The following SAMD4B variants were observed in gnomAD, a reference collection of about 807,000 sequenced individuals.
SAMD4B encodes protein Smaug homolog 2.
SAMD4B carries 5 observed loss-of-function variants against 74.5 expected under a neutral mutation model. That is an observed-to-expected ratio of 0.07 (90% CI 0.04 to 0.14). SAMD4B has a LOEUF of 0.14. SAMD4B is among the 10% of genes least tolerant of loss of function. The probability of loss-of-function intolerance (pLI) is 1.00; values close to 1 mark genes in which losing one functional copy is unlikely to be tolerated. For missense variants in SAMD4B, 608 were observed against 921.8 expected (o/e 0.66, Z 4.41); for synonymous variants, 373 against 374.9 (o/e 1.00, Z 0.06).
chr19:39,388,647 A>G (rs763186455), downstream of SAMD4B: 1 of 1,614,140 alleles, frequency 6.2e-7, no homozygotes, highest in Admixed American at 1.7e-5. Context: ...ATAGGCCACA[A>G]ACTGGTTCCC....
intron 7 of SAMD4B, among the ~76,000 whole-genome samples, chr19:39,377,015 T>G (rs2077640217): frequency 6.6e-6 from 1 of 152,204 alleles, no homozygotes; most frequent in Admixed American, 6.5e-5. Context: ...GGTTCCAGGA[T>G]CTCTGTCTTT....
intron 2 of SAMD4B, among the ~76,000 whole-genome samples, chr19:39,355,766 C>T (rs1217812987): frequency 6.6e-6 from 1 of 152,164 alleles, no homozygotes; most frequent in Non-Finnish European, 1.5e-5. Context: ...GGAATTTGGA[C>T]ACTTTGTAGC....
At chr19:39,365,640 C>A (rs1158852579) in intron 3 of SAMD4B, among the ~76,000 whole-genome samples, 2 of 152,154 alleles carry the variant, frequency 1.3e-5, no homozygotes, top group Non-Finnish European at 2.9e-5. Context: ...GGTGTGTGAC[C>A]TCACCTTCCC....
chr19:39,367,807 TGCTA>T (rs1451844584), intron 3 of SAMD4B, among the ~76,000 whole-genome samples: 2 of 146,872 alleles, frequency 1.4e-5, no homozygotes, highest in African/African-American at 5.0e-5. Flanking sequence ...CCACGCCCAG[TGCTA>T]ATAAGGTCTT....
rs1283109101 is a variant in SAMD4B, at chr19:39,369,915, C to T, written c.457C>T (p.Arg153Trp). Residue 153 changes from arginine to tryptophan, a missense_variant, in exon 4 of 14, where the codon CGG (arginine) becomes TGG (tryptophan). By Grantham distance (101) the Arg-to-Trp change is moderately radical. This residue lies in a region of SAMD4B where 153 missense variants were observed against 153.0 expected (regional missense o/e 1.00). Coordinates refer to ENST00000610417, the MANE Select transcript of SAMD4B (RefSeq NM_001384574.2). ...LALWLSHLEE[R>W]LASGFRSRPE... ...CCTCTGGCTGAGCCACCTGGAAGAG[C>T]GGTTGGCTAGTGGCTTCCGCTCCCG... The T allele has an allele frequency of 1.9e-6, 3 of 1,614,086 alleles. No individual in the cohort carries two copies. The highest frequency in any genetic ancestry group is 2.2e-5 in the East Asian group (1 of 44,898).
Position 39,369,617 on chromosome 19 carries a change from C to T in SAMD4B, c.197-38C>T, listed in dbSNP as rs1361497033. 1.9e-6 allele frequency: 3 copies of T among 1,553,816 alleles called. No homozygotes were observed. In the African/African-American group the frequency reaches 4.1e-5, roughly 21 times the overall value. ...TCTCAGGTGAATAGGAGTACCCCAC[C>T]CTGGCTCTCCTGATATTTCTTCTTA... On this transcript the variant is annotated intron_variant, in intron 3 of 13. Coordinates refer to ENST00000610417, the MANE Select transcript of SAMD4B (RefSeq NM_001384574.2).
Position 39,384,587 on chromosome 19 carries a change from A to G in SAMD4B, c.*1060A>G, listed in dbSNP as rs1389288758. ...CATGACCTCACTTAAGTGGAACACT[A>G]TATCATAACCCAGAGATTCGTCCCA... On this transcript the variant is annotated 3_prime_UTR_variant, in exon 14 of 14. Coordinates refer to ENST00000610417, the MANE Select transcript of SAMD4B (RefSeq NM_001384574.2). 6.6e-6 allele frequency: 1 copy of G among 152,584 alleles called. No individual in the cohort carries two copies. The highest frequency in any genetic ancestry group is 1.5e-5 in the Non-Finnish European group (1 of 68,042). The allele number at this position is 152,584 out of a possible 1,614,324, so 9.5% of individuals were successfully genotyped here. A position where few individuals can be genotyped will look rare whatever the true frequency, so the allele number is the denominator to read the frequency against.
intron 1 of SAMD4B, among the ~76,000 whole-genome samples, chr19:39,343,104 C>G (rs530628037): frequency 6.6e-6 from 1 of 151,996 alleles, no homozygotes; most frequent in South Asian, 2.1e-4. Flanking sequence ...GCTCTCATAG[C>G]TGCTCCAGGA....
chr19:39,389,243 A>G (rs1274753952), downstream of SAMD4B: 3 of 1,606,342 alleles, frequency 1.9e-6, no homozygotes, highest in Admixed American at 5.0e-5. The surrounding 1 kb of genome is among the most constrained non-coding windows in gnomAD (Gnocchi z 5.3). Flanking sequence ...GGACACACCT[A>G]ATATCTCCAC....
intron 4 of SAMD4B, among the ~76,000 whole-genome samples, chr19:39,371,065 CTT>C (rs755177949): frequency 2.0e-5 from 3 of 152,308 alleles, no homozygotes; most frequent in Non-Finnish European, 2.9e-5. Flanking sequence ...ATCCCAGTGA[CTT>C]TTTGAAATGC....
chr19:39,387,581 T>C (rs184701239), downstream of SAMD4B, among the ~76,000 whole-genome samples: 1 of 152,334 alleles, frequency 6.6e-6, no homozygotes, highest in African/African-American at 2.4e-5. Flanking sequence ...GTCACAGTTC[T>C]TGTAATCTCT....
In SAMD4B at chr19:39,383,794, CTCCTT is replaced by C. The variant is rs1365846585; in HGVS notation, c.*273_*277del. On this transcript the variant is annotated 3_prime_UTR_variant, in exon 14 of 14. Coordinates refer to ENST00000610417, the MANE Select transcript of SAMD4B (RefSeq NM_001384574.2). This position sits in a 1 kb window ranked among gnomAD's most constrained non-coding sequence, Gnocchi z 4.1. ...GGGACTGGCCAGACTGCCTGCCTCT[CTCCTT>C]TCCTTCCTCATCCCCACCTGGTCCC... 3.0e-6 allele frequency: 4 copies of C among 1,334,388 alleles called. No homozygotes were observed. The Admixed American group carries it at 6.3e-5, about 21-fold the overall frequency. 82.7% of individuals were successfully genotyped at this position (1,334,388 alleles called of 1,614,324 possible).
chr19:39,369,804 A>G lies in SAMD4B; in HGVS notation c.346A>G (p.Asn116Asp). The G allele has an allele frequency of 6.2e-7, 1 of 1,614,250 alleles. No individual in the cohort carries two copies. Among genetic ancestry groups the G allele is most frequent in the Non-Finnish European group, 8.5e-7 (1 of 1,180,030 alleles). Residue 116 changes from asparagine to aspartate, a missense_variant, in exon 4 of 14, where the codon AAT becomes GAT. Asn to Asp is a conservative substitution (Grantham distance 23). Coordinates refer to ENST00000610417, the MANE Select transcript of SAMD4B (RefSeq NM_001384574.2). ...QKVLAYSIESNAFIEESRQLL... is the reference protein window; with the variant it reads ...QKVLAYSIESDAFIEESRQLL... ...AGTGCTGGCCTACTCAATCGAGAGC[A>G]ATGCTTTCATCGAGGAGAGTCGCCA...
intron 1 of SAMD4B, among the ~76,000 whole-genome samples, 156 bp from the exon 2 acceptor site, chr19:39,353,850 C>T (rs551475195): frequency 2.0e-5 from 3 of 152,326 alleles, no homozygotes; most frequent in South Asian, 4.1e-4. Context: ...GATCTGCCTG[C>T]CTCAGCCTCC....
chr19:39,343,010 C>T (rs2075412832), intron 1 of SAMD4B, among the ~76,000 whole-genome samples: 1 of 151,978 alleles, frequency 6.6e-6, no homozygotes, highest in Non-Finnish European at 1.5e-5. Context: ...CGCAGACCCC[C>T]GCCCTTTGGC....
intron 1 of SAMD4B, chr19:39,350,262 T>C (rs1219253711): frequency 5.3e-5 from 8 of 152,178 alleles, no homozygotes; most frequent in South Asian, 2.1e-4. Context: ...ACAAGCTTCA[T>C]TGAGGAAGAA....
At chr19:39,386,359 C>T (rs1555726816), downstream of SAMD4B, 4 of 1,614,078 alleles carry the variant, frequency 2.5e-6, no homozygotes, top group Middle Eastern at 1.6e-4. The surrounding 1 kb of genome is among the most constrained non-coding windows in gnomAD (Gnocchi z 6.1). Context: ...TGCTCATCTT[C>T]ACTGCCCTCC....
At chr19:39,351,744 G>A (rs575316578) in intron 1 of SAMD4B, 1 of 152,120 alleles carries the variant, frequency 6.6e-6, no homozygotes, top group Admixed American at 6.5e-5. Flanking sequence ...TGAAATAGAA[G>A]AGGTGGCAAC....
downstream of SAMD4B, among the ~76,000 whole-genome samples, chr19:39,390,610 C>T (rs1474468490): frequency 6.6e-6 from 1 of 152,136 alleles, no homozygotes; most frequent in Non-Finnish European, 1.5e-5. Context: ...CTGGAGGGAT[C>T]CCTTCTGGAG....
Sources: allele counts gnomAD v4.1 joint callset (sites outside exome capture counted in the v4.1 genomes callset), GRCh38; gene constraint gnomAD v4.1.1; regional missense constraint gnomAD v4.1.1; non-coding constraint Gnocchi (gnomAD v3.1); transcripts MANE v1.5; gene names NCBI Gene and HGNC (gene_info 2026-07-23, HGNC 2026-07-21).